The following CDH13 variants were observed in gnomAD, a reference collection of about 807,000 sequenced individuals.
The protein encoded by CDH13 is cadherin-13.
A neutral mutation model predicts 63.8 loss-of-function variants in CDH13; 24 were observed. That is an observed-to-expected ratio of 0.38 (90% CI 0.27 to 0.53). CDH13 has a LOEUF of 0.53. CDH13 is among the 20% of genes least tolerant of loss of function. CDH13 has a pLI of 0.85. For synonymous variants in CDH13, 503 were observed against 355.3 expected, an observed-to-expected ratio of 1.42 and a Z score of -4.67; for missense variants, 1,049 against 903.1, an observed-to-expected ratio of 1.16 and a Z score of -2.07.
At chr16:83,329,866 T>C (rs985442915) in intron 5 of CDH13, among the ~76,000 whole-genome samples, 6 of 152,218 alleles carry the variant, frequency 3.9e-5, no homozygotes, top group African/African-American at 1.4e-4. Context: ...TCCTCTGTTT[T>C]AAAAACTGAA....
intron 5 of CDH13, among the ~76,000 whole-genome samples, chr16:83,338,829 C>T (rs764992186): frequency 1.2e-4 from 18 of 152,140 alleles, no homozygotes; most frequent in Non-Finnish European, 1.8e-4. Context: ...AAGAGGGATT[C>T]CTTGTAACAT....
At chr16:82,894,772 C>T (rs990441303) in intron 2 of CDH13, among the ~76,000 whole-genome samples, 1 of 152,176 alleles carries the variant, frequency 6.6e-6, no homozygotes, top group Admixed American at 6.5e-5. Flanking sequence ...CAGGCCTTCC[C>T]AGCAGGGCAT....
intron 2 of CDH13, among the ~76,000 whole-genome samples, chr16:83,009,438 T>C (rs1913889772): frequency 6.6e-6 from 1 of 152,230 alleles, no homozygotes. Context: ...TGTCTTTCTA[T>C]GTAATGGATG....
chr16:83,234,494 T>C (rs576354863), intron 5 of CDH13, among the ~76,000 whole-genome samples: 110 of 152,050 alleles, frequency 7.2e-4, no homozygotes, highest in Middle Eastern at 6.8e-3. Context: ...CCCCTTGAGG[T>C]TGGACCTAGG....
intron 2 of CDH13, among the ~76,000 whole-genome samples, chr16:82,915,472 A>G (rs1340440731): frequency 6.6e-6 from 1 of 152,188 alleles, no homozygotes. Flanking sequence ...GTGCTTTACA[A>G]ACTTATCAAA....
intron 7 of CDH13, among the ~76,000 whole-genome samples, chr16:83,599,057 C>A (rs563694902): frequency 6.6e-6 from 1 of 152,146 alleles, no homozygotes; most frequent in South Asian, 2.1e-4. Flanking sequence ...TCAGCCCCAC[C>A]CACCTGAACT....
chr16:83,704,976 G>T (rs1162849545), intron 10 of CDH13, among the ~76,000 whole-genome samples: 7 of 152,194 alleles, frequency 4.6e-5, no homozygotes, highest in Non-Finnish European at 1.0e-4. Flanking sequence ...GAAACTTGTA[G>T]ATTTTTCTGG....
chr16:83,655,913 A>C (rs1365826596), intron 8 of CDH13, among the ~76,000 whole-genome samples: 1 of 152,178 alleles, frequency 6.6e-6, no homozygotes, highest in Admixed American at 6.5e-5. Flanking sequence ...GAGATAATCA[A>C]ATTACCTGAG....
At chr16:83,553,566 T>C (rs559900145) in intron 7 of CDH13, among the ~76,000 whole-genome samples, 1 of 152,302 alleles carries the variant, frequency 6.6e-6, no homozygotes, top group Admixed American at 6.5e-5. Context: ...TGTTGTTGTA[T>C]TTTTTTCTCA....
chr16:82,671,564 C>T (rs9938202), intron 1 of CDH13, among the ~76,000 whole-genome samples: 21 of 152,068 alleles, frequency 1.4e-4, no homozygotes, highest in Admixed American at 4.6e-4. Context: ...ATTTACTAAC[C>T]TAGTCTTCAG....
At chr16:82,645,489 G>A (rs1207943820) in intron 1 of CDH13, among the ~76,000 whole-genome samples, 1 of 152,068 alleles carries the variant, frequency 6.6e-6, no homozygotes, top group Non-Finnish European at 1.5e-5. Context: ...ACAACCTGGG[G>A]AGGGGAGTGG....
intron 7 of CDH13, among the ~76,000 whole-genome samples, chr16:83,592,035 C>T (rs1032764536): frequency 1.3e-5 from 2 of 152,208 alleles, no homozygotes; most frequent in Non-Finnish European, 2.9e-5. Flanking sequence ...CACCTCTCCA[C>T]CTATAATGTC....
At chr16:83,478,388 G>T (rs77293096) in intron 6 of CDH13, among the ~76,000 whole-genome samples, 2 of 152,138 alleles carry the variant, frequency 1.3e-5, no homozygotes, top group Non-Finnish European at 2.9e-5. Flanking sequence ...CCAGCTCCCA[G>T]TCTGACCACA....
chr16:83,453,402 G>C (rs1362398123), intron 6 of CDH13, among the ~76,000 whole-genome samples: 1 of 151,872 alleles, frequency 6.6e-6, no homozygotes, highest in Non-Finnish European at 1.5e-5. Context: ...AAACAACATT[G>C]ATCATGAAAA....
chr16:82,656,312 CGTGTGT>C (rs111540944), intron 1 of CDH13, among the ~76,000 whole-genome samples: 2 of 146,470 alleles, frequency 1.4e-5, no homozygotes, highest in African/African-American at 2.5e-5. Flanking sequence ...GAATGGTGTG[CGTGTGT>C]GTGTGTGTGT....
intron 8 of CDH13, among the ~76,000 whole-genome samples, chr16:83,628,732 G>A (rs551943045): frequency 1.3e-5 from 2 of 152,246 alleles, no homozygotes; most frequent in South Asian, 2.1e-4. Flanking sequence ...AGCTGGGCCC[G>A]TGTTATTCAT....
At chr16:83,658,195 G>C (rs1244537829) in intron 8 of CDH13, among the ~76,000 whole-genome samples, 1 of 134,918 alleles carries the variant, frequency 7.4e-6, no homozygotes, top group Non-Finnish European at 1.6e-5. Context: ...ATCCTCACCA[G>C]CAAGGTCTCA....
intron 4 of CDH13, among the ~76,000 whole-genome samples, chr16:83,201,384 G>A (rs1045991231): frequency 6.6e-6 from 1 of 151,514 alleles, no homozygotes; most frequent in African/African-American, 2.4e-5. Context: ...GATGATGCTG[G>A]AAGGAAAGGC....
chr16:82,895,477 C>T (rs2041222260), intron 2 of CDH13, among the ~76,000 whole-genome samples: 1 of 152,138 alleles, frequency 6.6e-6, no homozygotes, highest in Non-Finnish European at 1.5e-5. Context: ...ACTGGTTCTC[C>T]TCAAGTGGTG....
Sources: gnomAD v4.1 joint callset for allele counts (sites outside exome capture counted in the v4.1 genomes callset) on GRCh38, gnomAD v4.1.1 for gene constraint, MANE v1.5 for transcripts, NCBI Gene and HGNC (gene_info 2026-07-23, HGNC 2026-07-21) for gene names.